The following CFAP100 variants were observed in gnomAD, a reference collection of about 807,000 sequenced individuals.
CFAP100 encodes cilia and flagella associated protein 100, also known as cilia- and flagella-associated protein 100.
Under a neutral mutation model 81.5 loss-of-function variants are expected in CFAP100, and 70 were observed. That is an observed-to-expected ratio of 0.86 (90% CI 0.71 to 1.05). CFAP100 has a LOEUF of 1.05. CFAP100 is among the 50% of genes least tolerant of loss of function. The pLI, the probability that CFAP100 is intolerant of heterozygous loss-of-function variation, is 0.00. For synonymous variants in CFAP100, 341 were observed against 314.8 expected (o/e 1.08, Z -0.88); for missense variants, 811 against 776.5 (o/e 1.04, Z -0.53).
In CFAP100 at chr3:126,423,518, C is replaced by T. The variant is rs2083365163; in HGVS notation, c.1160C>T (p.Pro387Leu). ...GEEPQLYFTE[P>L]QQLLDVFREL... is the part of the protein sequence containing the mutation. Reference sequence around the variant, plus strand: ...GAACCACAGCTGTACTTCACGGAGCCCCAGCAGCTCCTGGATGTCTTCCGA... The same window carrying T: ...GAACCACAGCTGTACTTCACGGAGCTCCAGCAGCTCCTGGATGTCTTCCGA... The change falls in exon 13 of 17, where the codon CCC (proline) becomes CTC (leucine). Residue 387 changes from proline to leucine, a missense_variant. Transcript: ENST00000352312. 1.2e-6 allele frequency: 2 copies of T among 1,614,032 alleles called. No homozygotes were observed. Among genetic ancestry groups the T allele is most frequent in the African/African-American group, 2.7e-5 (2 of 74,914 alleles).
Position 126,431,385 on chromosome 3 carries a change from C to A in CFAP100, c.1287-1684C>A, listed in dbSNP as rs546458522. ...CAAAATGAATGGAAACCTGGGGGTT[C>A]CACCTTGCTTTCTCCTTCCCCCAAC... On this transcript the variant is annotated intron_variant, in intron 13 of 16. Transcript: ENST00000352312. Among the ~76,000 whole-genome samples the A allele has an allele frequency of 3.3e-4, 50 of 152,334 alleles. 2 individuals carry two copies. The South Asian group carries it at 9.3e-3, about 28-fold the overall frequency.
chr3:126,428,084 AC>A (rs1933029381), intron 13 of CFAP100, among the ~76,000 whole-genome samples: 1 of 152,240 alleles, frequency 6.6e-6, no homozygotes, highest in South Asian at 2.1e-4. Flanking sequence ...ACTGGGGATT[AC>A]AATTGAACAT....
intron 13 of CFAP100, among the ~76,000 whole-genome samples, chr3:126,432,002 C>T (rs1301957560): frequency 1.3e-5 from 2 of 152,012 alleles, no homozygotes; most frequent in African/African-American, 2.4e-5. Flanking sequence ...ATGTTGAGGC[C>T]GGGCGCAGTG....
At chr3:126,434,554 T>TG in intron 15 of CFAP100, 173 bp downstream of exon 15, 3 of 585,116 alleles carry the variant, frequency 5.1e-6, no homozygotes, top group Non-Finnish European at 8.6e-6. Context: ...CACAGTCAAG[T>TG]GGGGGGTGGT....
intron 3 of CFAP100, among the ~76,000 whole-genome samples, chr3:126,407,844 G>A (rs1163032193): frequency 6.6e-6 from 1 of 152,216 alleles, no homozygotes; most frequent in Admixed American, 6.5e-5. Flanking sequence ...AGCTGCATGT[G>A]CCTCACCCTG....
intron 2 of CFAP100, among the ~76,000 whole-genome samples, chr3:126,401,807 G>A (rs2082988340): frequency 2.0e-5 from 3 of 152,098 alleles, no homozygotes; most frequent in Admixed American, 2.0e-4. Flanking sequence ...CCAAACCCTG[G>A]TCCTTCTGTG....
intron 2 of CFAP100, among the ~76,000 whole-genome samples, chr3:126,403,846 A>T (rs963650367): frequency 6.6e-5 from 10 of 152,214 alleles, no homozygotes; most frequent in African/African-American, 2.4e-4. Context: ...TTTTCTAAAA[A>T]ATATTTAAAC....
rs1413529141 is a variant in CFAP100, at chr3:126,436,533, T to A, written c.*129T>A. The A allele has an allele frequency of 1.5e-6, 1 of 656,986 alleles. No individual in the cohort carries two copies. The highest frequency in any genetic ancestry group is 2.7e-6 in the Non-Finnish European group (1 of 368,226). 40.7% of individuals were successfully genotyped at this position (656,986 alleles called of 1,614,324 possible). A position where few individuals can be genotyped will look rare whatever the true frequency, so the allele number is the denominator to read the frequency against. ...TCTCCTGTGTGCTCCCTTCCTCACCTGAATAAATTCATGTCTCTCTGGAGT... is the reference window on the plus strand; with the variant it reads ...TCTCCTGTGTGCTCCCTTCCTCACCAGAATAAATTCATGTCTCTCTGGAGT... On this transcript the variant is annotated 3_prime_UTR_variant, in exon 17 of 17. Transcript: ENST00000352312.
At chr3:126,412,475 G>A (rs932052781) in intron 3 of CFAP100, among the ~76,000 whole-genome samples, 2 of 152,170 alleles carry the variant, frequency 1.3e-5, no homozygotes, top group Non-Finnish European at 2.9e-5. Context: ...AGATTGGGGG[G>A]TTCCCTTCTA....
At chr3:126,430,305 G>A (rs1472475241) in intron 13 of CFAP100, among the ~76,000 whole-genome samples, 1 of 152,194 alleles carries the variant, frequency 6.6e-6, no homozygotes, top group Non-Finnish European at 1.5e-5. Flanking sequence ...TGATACATTA[G>A]TGGCATGACT....
chr3:126,433,048 G>A, intron 13 of CFAP100, 21 bp from the exon 14 acceptor site: 1 of 1,613,638 alleles, frequency 6.2e-7, no homozygotes, highest in Non-Finnish European at 8.5e-7. Flanking sequence ...CTGATGCCCT[G>A]CCGGTTTTCC....
In CFAP100 at chr3:126,395,996, C is replaced by G; in HGVS notation, c.-5C>G. 2 of 1,612,532 alleles carry G rather than the reference C, an allele frequency of 1.2e-6. No homozygotes were observed. The highest frequency in any genetic ancestry group is 2.2e-5 in the South Asian group (2 of 91,058). On this transcript the variant is annotated 5_prime_UTR_variant, in exon 2 of 17. Transcript: ENST00000352312. ...CTTGCATCAACCTCTTGGGCCTCAG[C>G]CAAGATGTCTGAGATACCGTCCACT... is the stretch of plus-strand genomic sequence containing the variant.
At position 126,418,763 on chromosome 3, in the gene CFAP100, G is replaced by T; in HGVS notation, c.639G>T (p.Gln213His). Residue 213 changes from glutamine to histidine, a missense_variant, in exon 7 of 17, where the codon CAG becomes CAT. By Grantham distance (24) the Gln-to-His change is conservative. Coordinates refer to ENST00000352312, the MANE Select transcript of CFAP100 (RefSeq NM_182628.3). ...GGGAGAATGACTGCAGCTCCGTGCA[G>T]GCCATGAGAGCGTGAGCCTGCGGGC... ...FVRENDCSSV[Q>H]AMRAAEKETK... 1 of 1,591,794 alleles carries T rather than the reference G, an allele frequency of 6.3e-7. No individual in the cohort carries two copies. Among genetic ancestry groups the T allele is most frequent in the Non-Finnish European group, 8.5e-7 (1 of 1,170,930 alleles).
At chr3:126,405,115 C>G (rs1015503708) in intron 2 of CFAP100, among the ~76,000 whole-genome samples, 17 of 152,226 alleles carry the variant, frequency 1.1e-4, no homozygotes, top group African/African-American at 3.9e-4. Context: ...GAACTCTTCT[C>G]ATCCCCAAAC....
chr3:126,436,382 A>G lies in CFAP100; in HGVS notation c.1814A>G (p.Glu605Gly). The G allele has an allele frequency of 1.9e-6, 3 of 1,613,956 alleles. 1 individual carries two copies. In the South Asian group the frequency reaches 3.3e-5, roughly 18 times the overall value. ...ACACTGATGGACAAGGAGGAGGAGG[A>G]GCTGCTATTTTTCTTTACTTAATCT... ...EHTLMDKEEE[E>G]LLFFFT The change falls in exon 17 of 17, where the codon GAG becomes GGG. Residue 605 changes from glutamate to glycine, a missense_variant. Transcript: ENST00000352312.
At chr3:126,401,152 G>A (rs1224666137) in intron 2 of CFAP100, among the ~76,000 whole-genome samples, 1 of 151,968 alleles carries the variant, frequency 6.6e-6, no homozygotes, top group Non-Finnish European at 1.5e-5. Context: ...AGAGACAGAA[G>A]GGGGAATGGA....
At chr3:126,415,493 A>G (rs1211470404) in intron 4 of CFAP100, among the ~76,000 whole-genome samples, 1 of 151,862 alleles carries the variant, frequency 6.6e-6, no homozygotes, top group Non-Finnish European at 1.5e-5. Flanking sequence ...TCTAAAGGCC[A>G]CCTTGTACCC....
In CFAP100 at chr3:126,407,180, C is replaced by G. The variant is rs770707907; in HGVS notation, c.58C>G (p.Leu20Val). 2.5e-6 allele frequency: 4 copies of G among 1,613,496 alleles called. No individual in the cohort carries two copies. The highest frequency in any genetic ancestry group is 3.4e-6 in the Non-Finnish European group (4 of 1,179,558). ...SKNMTNDKNS[L>V]ESMNISSSSS... ...CTTTTGTGTCTCCTCAGAGAACAGC[C>G]TGGAATCCATGAACATCAGCTCTTC... Residue 20 changes from leucine (L) to valine (V), a missense_variant, in exon 3 of 17, where the codon CTG (leucine) becomes GTG (valine). Transcript: ENST00000352312.
Position 126,416,441 on chromosome 3 carries a change from G to C in CFAP100, c.351G>C (p.Ala117=), listed in dbSNP as rs774379388. The stretch of plus-strand genomic sequence containing the variant: ...AGGACAAGCAGGAGGACCTGGAGGC[G>C]CGCGCCGAGGCCGAGCATCAGCGCG... The part of the protein sequence containing the change: ...QLEDKQEDLE[A]RAEAEHQRAF... The change falls in exon 5 of 17, where the codon GCG becomes GCC. Residue 117 remains alanine (A), a synonymous_variant. Coordinates refer to ENST00000352312, the MANE Select transcript of CFAP100 (RefSeq NM_182628.3). 6.2e-7 allele frequency: 1 copy of C among 1,610,684 alleles called. No homozygotes were observed. Among genetic ancestry groups the C allele is most frequent in the Non-Finnish European group, 8.5e-7 (1 of 1,178,966 alleles).
Sources: allele counts gnomAD v4.1 joint callset (sites outside exome capture counted in the v4.1 genomes callset), GRCh38; gene constraint gnomAD v4.1.1; transcripts MANE v1.5; gene names NCBI Gene and HGNC (gene_info 2026-07-23, HGNC 2026-07-21).